LCK: variants seen among roughly 807,000 people sequenced by gnomAD.
The protein encoded by LCK is tyrosine-protein kinase Lck.
A neutral mutation model predicts 64.6 loss-of-function variants in LCK; 14 were observed. The observed-to-expected ratio is 0.22, with a 90% CI of 0.14 to 0.34. LCK has a LOEUF of 0.34. Ranked by LOEUF, LCK falls within the 10% of genes least tolerant of loss-of-function variation. The pLI, the probability that LCK is intolerant of heterozygous loss-of-function variation, is 1.00. For synonymous variants in LCK, 277 were observed against 263.6 expected, an observed-to-expected ratio of 1.05 and a Z score of -0.49; for missense variants, 434 against 668.1, an observed-to-expected ratio of 0.65 and a Z score of 3.86.
At chr1:32,253,777 C>G (rs1639564150) in intron 1 of LCK, among the ~76,000 whole-genome samples, 1 of 152,118 alleles carries the variant, frequency 6.6e-6, no homozygotes, top group Non-Finnish European at 1.5e-5. Flanking sequence ...AGTGTGAGAA[C>G]TCAGGCAGGC....
intron 1 of LCK, among the ~76,000 whole-genome samples, chr1:32,264,497 A>G (rs954248019): frequency 6.6e-6 from 1 of 152,048 alleles, no homozygotes; most frequent in Admixed American, 6.6e-5. Flanking sequence ...TCTAAAAAAA[A>G]AAGGATGTAA....
Position 32,275,815 on chromosome 1 carries a change from C to T in LCK, c.482-99C>T, listed in dbSNP as rs1300099975. On this transcript the variant is annotated intron_variant, in intron 6 of 12. Coordinates refer to ENST00000336890, the MANE Select transcript of LCK (RefSeq NM_005356.5). The surrounding 1 kb of genome is among the most constrained non-coding windows in gnomAD (Gnocchi z 6.9). ...CCCGAGGTGGGGGCGCGGGATGACC[C>T]GGAGTTGGGGGTGCTGGGTGAGCCC... The T allele has an allele frequency of 7.0e-7, 1 of 1,425,254 alleles. No homozygotes were observed. The highest frequency in any genetic ancestry group is 9.4e-7 in the Non-Finnish European group (1 of 1,065,782). 88.3% of individuals were successfully genotyped at this position (1,425,254 alleles called of 1,614,324 possible).
At chr1:32,271,395 A>AGCT (rs1640076261) in intron 1 of LCK, among the ~76,000 whole-genome samples, 1 of 152,186 alleles carries the variant, frequency 6.6e-6, no homozygotes, top group Non-Finnish European at 1.5e-5. Flanking sequence ...TCAGAGGTTT[A>AGCT]GCCAGGTATG....
In LCK at chr1:32,251,801, G is replaced by T. The variant is rs192275177; in HGVS notation, c.-6+430G>T. 2.6e-5 allele frequency among the ~76,000 whole-genome samples: 4 copies of T among 151,988 alleles called. No homozygotes were observed. The highest frequency in any genetic ancestry group is 2.1e-4 in the South Asian group (1 of 4,820). On this transcript the variant is annotated intron_variant, in intron 1 of 12. Transcript: ENST00000336890. This position sits in a 1 kb window ranked among gnomAD's most constrained non-coding sequence, Gnocchi z 4.0. ...TGATGGCTGAGGCTGTGGCCACCCC[G>T]CCTGGAGCAGGGTGATGGACAGGCT...
At chr1:32,266,336 CAA>C (rs1206376581) in intron 1 of LCK, among the ~76,000 whole-genome samples, 3 of 129,908 alleles carry the variant, frequency 2.3e-5, no homozygotes, top group Non-Finnish European at 3.3e-5. Context: ...ACTAAAAATA[CAA>C]AAAAAAAAAA....
intron 2 of LCK, 60 bp from the exon 3 acceptor site, chr1:32,274,677 G>C (rs1640200095): frequency 1.5e-6 from 2 of 1,377,966 alleles, no homozygotes; most frequent in South Asian, 2.7e-5. Context: ...GGGGGGAAGG[G>C]GGCCAGGGTC....
chr1:32,267,473 G>C (rs1462080815), intron 1 of LCK, among the ~76,000 whole-genome samples: 1 of 152,138 alleles, frequency 6.6e-6, no homozygotes, highest in Admixed American at 6.6e-5. Flanking sequence ...TAAGAAACAG[G>C]AGTCGAGCTG....
In LCK at chr1:32,275,120, G is replaced by A. The variant is rs1640216727; in HGVS notation, c.278+37G>A. 1.3e-6 allele frequency: 2 copies of A among 1,574,658 alleles called. No homozygotes were observed. The highest frequency in any genetic ancestry group is 1.7e-5 in the Admixed American group (1 of 58,676). ...TCCACCTTGCTCTGGCGGAGTCCGT[G>A]AGGGAGCGGCGATCTCCGCGACCCG... On this transcript the variant is annotated intron_variant, in intron 4 of 12. Coordinates refer to ENST00000336890, the MANE Select transcript of LCK (RefSeq NM_005356.5). This position sits in a 1 kb window ranked among gnomAD's most constrained non-coding sequence, Gnocchi z 6.9.
chr1:32,254,451 A>C (rs1333232923), intron 1 of LCK, among the ~76,000 whole-genome samples: 1 of 152,070 alleles, frequency 6.6e-6, no homozygotes, highest in Non-Finnish European at 1.5e-5. Flanking sequence ...CTCCCCAGTA[A>C]CTGGGATTAC....
At chr1:32,272,450 T>C (rs1296647101) in intron 1 of LCK, among the ~76,000 whole-genome samples, 3 of 151,938 alleles carry the variant, frequency 2.0e-5, no homozygotes, top group African/African-American at 7.3e-5. Flanking sequence ...CTGGGCATGA[T>C]GGTGTGCACC....
In LCK at chr1:32,275,862, G is replaced by T. The variant is rs1043864490; in HGVS notation, c.482-52G>T. ...GCCCAAGGTGGGGGCGCGGTGGCGGGCCAGACTCACTGCGTTCTTTCGTCG... is the reference window on the plus strand; with the variant it reads ...GCCCAAGGTGGGGGCGCGGTGGCGGTCCAGACTCACTGCGTTCTTTCGTCG... On this transcript the variant is annotated intron_variant, in intron 6 of 12. Transcript: ENST00000336890. The surrounding 1 kb of genome is among the most constrained non-coding windows in gnomAD (Gnocchi z 6.9). 6 of 1,604,190 alleles carry T rather than the reference G, an allele frequency of 3.7e-6. No individual in the cohort carries two copies. The Admixed American group carries it at 5.0e-5, about 13-fold the overall frequency.
Position 32,275,475 on chromosome 1 carries a change from A to G in LCK, c.377+56A>G. Reference sequence around the variant, plus strand: ...GGAGCAGATCTAGGGATCCTGGAGCAGGGAGTAGGCCTGGGGTGGCGGTGA... The same window carrying G: ...GGAGCAGATCTAGGGATCCTGGAGCGGGGAGTAGGCCTGGGGTGGCGGTGA... On this transcript the variant is annotated intron_variant, in intron 5 of 12. Transcript: ENST00000336890. This position sits in a 1 kb window ranked among gnomAD's most constrained non-coding sequence, Gnocchi z 6.9. 6.3e-7 allele frequency: 1 copy of G among 1,589,264 alleles called. No individual in the cohort carries two copies. The highest frequency in any genetic ancestry group is 8.6e-7 in the Non-Finnish European group (1 of 1,161,728).
chr1:32,280,019 C>A (rs12143349), intron 11 of LCK, 25 bp downstream of exon 11: 2 of 1,613,942 alleles, frequency 1.2e-6, no homozygotes, highest in East Asian at 2.2e-5. Context: ...TAAGGGTGGT[C>A]TGGGCCCTGC....
At chr1:32,274,708 T>C in intron 2 of LCK, 29 bp from the exon 3 acceptor site, 1 of 1,531,740 alleles carries the variant, frequency 6.5e-7, no homozygotes, top group Non-Finnish European at 8.9e-7. Context: ...TTCTGCTTTC[T>C]GACCCCACCC....
intron 1 of LCK, among the ~76,000 whole-genome samples, chr1:32,269,846 G>A (rs1013005333): frequency 4.6e-5 from 7 of 152,160 alleles, no homozygotes; most frequent in Admixed American, 2.6e-4. Flanking sequence ...ACAGAATTGT[G>A]CACTGGTGAA....
At chr1:32,283,807 GC>G (rs747090431) in intron 12 of LCK, among the ~76,000 whole-genome samples, 5 of 152,140 alleles carry the variant, frequency 3.3e-5, no homozygotes, top group Non-Finnish European at 7.4e-5. Flanking sequence ...GGTTGTGGGT[GC>G]CCATCCTGCC....
chr1:32,283,356 G>A (rs1465969130), intron 12 of LCK, among the ~76,000 whole-genome samples: 2 of 151,950 alleles, frequency 1.3e-5, no homozygotes, highest in Admixed American at 1.3e-4. Context: ...ACAAGTCCTG[G>A]GGAAAAAGGG....
At chr1:32,260,014 A>T (rs1639727563) in intron 1 of LCK, among the ~76,000 whole-genome samples, 2 of 148,686 alleles carry the variant, frequency 1.3e-5, no homozygotes, top group African/African-American at 5.0e-5. Context: ...TAAATGATTC[A>T]TTTTTTTTTA....
chr1:32,264,641 CAA>C (rs1164215432), intron 1 of LCK, among the ~76,000 whole-genome samples: 1 of 152,050 alleles, frequency 6.6e-6, no homozygotes, highest in Non-Finnish European at 1.5e-5. Context: ...CTTGTGAAGA[CAA>C]AGTGTCTTTT....
Sources: gnomAD v4.1 joint callset for allele counts (sites outside exome capture counted in the v4.1 genomes callset) on GRCh38, gnomAD v4.1.1 for gene constraint, Gnocchi (gnomAD v3.1) non-coding constraint, MANE v1.5 for transcripts, NCBI Gene and HGNC (gene_info 2026-07-23, HGNC 2026-07-21) for gene names.